The following CPVL variants were observed in gnomAD, a reference collection of about 807,000 sequenced individuals.
The protein encoded by CPVL is carboxypeptidase vitellogenic like.
A neutral mutation model predicts 63.7 loss-of-function variants in CPVL; 51 were observed. The observed-to-expected ratio is 0.80, with a 90% CI of 0.64 to 1.01. CPVL has a LOEUF of 1.01. Among genes scored for constraint, CPVL ranks in the 50% least tolerant of loss-of-function variants. The pLI, the probability that CPVL is intolerant of heterozygous loss-of-function variation, is 0.00. For synonymous variants in CPVL, 195 were observed against 206.0 expected (o/e 0.95, Z 0.46); for missense variants, 530 against 573.1 (o/e 0.92, Z 0.77).
intron 3 of CPVL, among the ~76,000 whole-genome samples, chr7:29,105,369 AG>A (rs1258564516): frequency 1.2e-4 from 19 of 152,310 alleles, no homozygotes; most frequent in Non-Finnish European, 2.2e-4. Context: ...TGGAAATGAA[AG>A]GTTGGCCATA....
intron 12 of CPVL, among the ~76,000 whole-genome samples, chr7:29,029,769 T>A (rs1288742360): frequency 2.0e-5 from 3 of 152,186 alleles, no homozygotes; most frequent in Admixed American, 6.5e-5. Context: ...GAACGATATA[T>A]TGTATATTTC....
Position 29,003,696 on chromosome 7 carries a change from C to A in CPVL, c.1321-7814G>T, listed in dbSNP as rs929673670. 4.6e-5 allele frequency among the ~76,000 whole-genome samples: 7 copies of A among 152,312 alleles called. No individual in the cohort carries two copies. The East Asian group carries it at 1.2e-3, about 25-fold the overall frequency. On this transcript the variant is annotated intron_variant, in intron 12 of 12. Transcript: ENST00000265394. ...GTGTTGTAAGGCAGCAGTCCCCAAC[C>A]TTTCTGACACCAGGGACCAATTTTG...
intron 6 of CPVL, among the ~76,000 whole-genome samples, chr7:29,089,669 C>T (rs986319052): frequency 2.6e-5 from 4 of 152,142 alleles, no homozygotes; most frequent in Non-Finnish European, 5.9e-5. Context: ...AGCTACCATC[C>T]ATTCCCTAGA....
intron 1 of CPVL, among the ~76,000 whole-genome samples, chr7:29,130,030 T>C (rs1029286390): frequency 1.3e-5 from 2 of 152,198 alleles, no homozygotes; most frequent in Non-Finnish European, 2.9e-5. Context: ...ATGGTCCTGC[T>C]GACACATTAA....
At chr7:29,170,199 G>A (rs1043465223) in intron 5 of CPVL, among the ~76,000 whole-genome samples, 3 of 152,188 alleles carry the variant, frequency 2.0e-5, no homozygotes, top group African/African-American at 7.2e-5. Context: ...TGCTTCCTTG[G>A]CTACTTTATG....
At chr7:29,108,078 G>A (rs1441089055) in intron 3 of CPVL, among the ~76,000 whole-genome samples, 1 of 152,228 alleles carries the variant, frequency 6.6e-6, no homozygotes, top group East Asian at 1.9e-4. Context: ...TCCTGAGAGG[G>A]AGCCCTTCCT....
intron 5 of CPVL, among the ~76,000 whole-genome samples, chr7:29,094,450 A>G (rs1210491285): frequency 1.3e-5 from 2 of 152,264 alleles, no homozygotes; most frequent in Admixed American, 6.5e-5. Context: ...CTGACACTAT[A>G]TAATAACCTG....
At chr7:29,193,288 A>G (rs900334104) in intron 1 of CPVL, 2 of 152,172 alleles carry the variant, frequency 1.3e-5, no homozygotes, top group African/African-American at 4.8e-5. Context: ...ATCAACTAGA[A>G]AATGTGACGT....
At chr7:29,194,914 C>T (rs1369093957) in intron 1 of CPVL, 1 of 1,536,540 alleles carries the variant, frequency 6.5e-7, no homozygotes, top group Non-Finnish European at 8.7e-7. Context: ...CGGGGCTGAG[C>T]GAGCAGCGAC....
intron 7 of CPVL, 150 bp downstream of exon 7, chr7:29,086,334 G>A: frequency 2.0e-6 from 1 of 495,880 alleles, no homozygotes; most frequent in Non-Finnish European, 3.6e-6. Context: ...TTTGATAATT[G>A]GGAGAATTTT....
chr7:29,068,135 C>A (rs1584158354), intron 9 of CPVL, among the ~76,000 whole-genome samples: 1 of 151,280 alleles, frequency 6.6e-6, no homozygotes, highest in Admixed American at 6.6e-5. Context: ...CTCCCGAGTA[C>A]CTGAGATTAA....
intron 1 of CPVL, among the ~76,000 whole-genome samples, chr7:29,141,890 A>G (rs6960267): frequency 0.43 from 64,512 of 151,622 alleles, 13,982 homozygotes; most frequent in Non-Finnish European, 0.45. Context: ...ACTCCAGCCT[A>G]GGCAACAGAG....
At chr7:29,089,812 C>A (rs1412466031) in intron 6 of CPVL, among the ~76,000 whole-genome samples, 1 of 152,112 alleles carries the variant, frequency 6.6e-6, no homozygotes, top group Non-Finnish European at 1.5e-5. Flanking sequence ...TGTAACACTG[C>A]CCCTTCAATA....
chr7:29,128,195 T>TGC (rs1790265667), intron 1 of CPVL: 1 of 151,066 alleles, frequency 6.6e-6, no homozygotes, highest in Non-Finnish European at 1.5e-5. Context: ...TTTTTTTTTT[T>TGC]TTTTTTTTTA....
chr7:29,030,283 T>A (rs1010182394), intron 12 of CPVL, among the ~76,000 whole-genome samples: 2 of 152,236 alleles, frequency 1.3e-5, no homozygotes, highest in Non-Finnish European at 2.9e-5. Context: ...TCTCCCCAAA[T>A]AGACTGCAAT....
chr7:29,175,774 G>GA (rs1324754751), intron 5 of CPVL, among the ~76,000 whole-genome samples: 1 of 152,090 alleles, frequency 6.6e-6, no homozygotes, highest in Non-Finnish European at 1.5e-5. Context: ...AAAAAACAGT[G>GA]AAAAATATGA....
At chr7:29,009,690 A>G (rs1389387604) in intron 12 of CPVL, 2 of 152,202 alleles carry the variant, frequency 1.3e-5, no homozygotes, top group Non-Finnish European at 2.9e-5. Context: ...GAAAAGTAAA[A>G]TATTATATAT....
chr7:29,067,602 G>A lies in CPVL; in HGVS notation c.865-1481C>T, dbSNP rs1783264193. Among the ~76,000 whole-genome samples, 4 of 152,202 alleles carry A rather than the reference G, an allele frequency of 2.6e-5. No homozygotes were observed. The South Asian group carries it at 8.3e-4, about 32-fold the overall frequency. On this transcript the variant is annotated intron_variant, in intron 9 of 12. Coordinates refer to ENST00000265394, the MANE Select transcript of CPVL (RefSeq NM_031311.5). ...AGCCAGGTTTCTGGCAAAGCAAGAA[G>A]ATGAAGAGAAGAAAATAGTCACAGA...
chr7:29,121,379 T>A (rs1201801748), intron 1 of CPVL, among the ~76,000 whole-genome samples: 1 of 152,134 alleles, frequency 6.6e-6, no homozygotes, highest in Non-Finnish European at 1.5e-5. Context: ...CGTCTCACTG[T>A]TGCCTTGACC....
Sources: gnomAD v4.1 joint callset for allele counts (sites outside exome capture counted in the v4.1 genomes callset) on GRCh38, gnomAD v4.1.1 for gene constraint, MANE v1.5 for transcripts, NCBI Gene and HGNC (gene_info 2026-07-23, HGNC 2026-07-21) for gene names.